WDR7: variants seen among roughly 807,000 people sequenced by gnomAD.
WDR7 encodes the protein WD repeat-containing protein 7.
WDR7 carries 46 observed loss-of-function variants against 169.4 expected under a neutral mutation model. The ratio of observed to expected loss-of-function variants is 0.27; its 90% CI spans 0.21 to 0.35. WDR7 has a LOEUF of 0.35. Among genes scored for constraint, WDR7 ranks in the 10% least tolerant of loss-of-function variants. The pLI is 1.00. For missense variants in WDR7, 1,534 were observed against 1,859.3 expected, an observed-to-expected ratio of 0.83 and a Z score of 3.22; for synonymous variants, 612 against 666.8, an observed-to-expected ratio of 0.92 and a Z score of 1.27.
intron 20 of WDR7, among the ~76,000 whole-genome samples, chr18:56,832,002 C>G (rs191753880): frequency 1.3e-5 from 2 of 152,258 alleles, no homozygotes; most frequent in East Asian, 3.9e-4. Context: ...CCGTTCACTC[C>G]CCTGGAAAGA....
chr18:56,673,531 AC>A (rs1332769829), intron 2 of WDR7, among the ~76,000 whole-genome samples: 6 of 152,176 alleles, frequency 3.9e-5, no homozygotes, highest in Non-Finnish European at 8.8e-5. Context: ...CAAACCCTGT[AC>A]CCTTTAAATG....
At chr18:56,682,360 T>C (rs1236990243) in intron 4 of WDR7, among the ~76,000 whole-genome samples, 2 of 152,228 alleles carry the variant, frequency 1.3e-5, no homozygotes, top group Non-Finnish European at 2.9e-5. Context: ...TTTATTAATT[T>C]ATTCAACAGT....
chr18:57,002,497 C>T (rs536592498), intron 26 of WDR7, among the ~76,000 whole-genome samples: 7 of 152,146 alleles, frequency 4.6e-5, no homozygotes, highest in African/African-American at 1.4e-4. Context: ...CTCTGAATTA[C>T]TGTTTATCGC....
chr18:56,999,853 G>A (rs1022408969), intron 26 of WDR7, among the ~76,000 whole-genome samples: 1 of 152,104 alleles, frequency 6.6e-6, no homozygotes, highest in Non-Finnish European at 1.5e-5. Flanking sequence ...CTAGAGAACG[G>A]ACCACCCAAG....
At chr18:56,771,552 T>A (rs2044157159) in intron 16 of WDR7, among the ~76,000 whole-genome samples, 1 of 145,072 alleles carries the variant, frequency 6.9e-6, no homozygotes, top group Admixed American at 6.9e-5. Context: ...CAAAACCCCA[T>A]CTCTACCCTC....
chr18:57,019,230 G>A (rs1204959091), intron 26 of WDR7, among the ~76,000 whole-genome samples: 3 of 152,104 alleles, frequency 2.0e-5, no homozygotes, highest in African/African-American at 4.8e-5. Flanking sequence ...GCAAGCAGGA[G>A]TAACAAAAAT....
intron 16 of WDR7, among the ~76,000 whole-genome samples, chr18:56,760,100 G>C (rs1310793956): frequency 6.6e-6 from 1 of 152,120 alleles, no homozygotes; most frequent in Non-Finnish European, 1.5e-5. Flanking sequence ...CTATATAAAA[G>C]TTTTATAATA....
At chr18:56,888,383 G>C (rs7233975) in intron 21 of WDR7, among the ~76,000 whole-genome samples, 99,982 of 152,140 alleles carry the variant, frequency 0.66, 34,641 homozygotes, top group East Asian at 0.83. Context: ...TATCCCTCTG[G>C]GTTGCAGAAT....
intron 16 of WDR7, among the ~76,000 whole-genome samples, chr18:56,763,150 A>G (rs550292701): frequency 3.2e-4 from 48 of 151,948 alleles, no homozygotes; most frequent in Middle Eastern, 3.4e-3. Flanking sequence ...TAGTAGAGAC[A>G]GGGTTTCACC....
At chr18:56,735,340 T>A (rs1336976050) in intron 14 of WDR7, among the ~76,000 whole-genome samples, 1 of 152,112 alleles carries the variant, frequency 6.6e-6, no homozygotes, top group Non-Finnish European at 1.5e-5. Context: ...TTAACAAGAA[T>A]GTACAGGCCA....
chr18:56,932,071 A>G (rs995047112), intron 22 of WDR7, among the ~76,000 whole-genome samples: 1 of 152,168 alleles, frequency 6.6e-6, no homozygotes. Flanking sequence ...TGAATTGAGT[A>G]GACTAGAGGA....
chr18:56,837,810 C>T (rs1255984898), intron 20 of WDR7, among the ~76,000 whole-genome samples: 1 of 151,572 alleles, frequency 6.6e-6, no homozygotes, highest in Non-Finnish European at 1.5e-5. Flanking sequence ...CAGGTGCCCA[C>T]CACCATGCCC....
intron 21 of WDR7, among the ~76,000 whole-genome samples, chr18:56,895,216 C>T (rs1181888031): frequency 6.6e-6 from 1 of 151,856 alleles, no homozygotes. Flanking sequence ...ATATGTCAAT[C>T]AGCAAGATAA....
intron 19 of WDR7, among the ~76,000 whole-genome samples, chr18:56,795,619 C>T (rs998350520): frequency 1.3e-5 from 2 of 152,166 alleles, no homozygotes; most frequent in East Asian, 1.9e-4. Flanking sequence ...ATACTGTCAG[C>T]ACTGCCATAC....
intron 14 of WDR7, among the ~76,000 whole-genome samples, chr18:56,738,002 C>T (rs1335218747): frequency 2.6e-5 from 4 of 152,012 alleles, no homozygotes; most frequent in Non-Finnish European, 5.9e-5. Flanking sequence ...TGTTTGTCCT[C>T]TGTGGTTATT....
intron 20 of WDR7, among the ~76,000 whole-genome samples, chr18:56,868,045 A>G (rs74560577): frequency 0.014 from 2,126 of 152,286 alleles, 29 homozygotes; most frequent in East Asian, 0.035. Context: ...TAGGTACCAC[A>G]AAGGTGTGGG....
At chr18:56,678,135 A>G (rs1261314347) in intron 2 of WDR7, among the ~76,000 whole-genome samples, 19 of 152,098 alleles carry the variant, frequency 1.2e-4, no homozygotes, top group Admixed American at 1.2e-3. Context: ...AGTCTCTTAA[A>G]TTTGTCTGAT....
chr18:56,941,034 G>T (rs2047029667), intron 25 of WDR7, among the ~76,000 whole-genome samples: 3 of 152,142 alleles, frequency 2.0e-5, no homozygotes, highest in Non-Finnish European at 4.4e-5. Flanking sequence ...TGGCGGAAAG[G>T]AGTTCTATTT....
At chr18:56,814,878 T>C (rs1424326482) in intron 19 of WDR7, among the ~76,000 whole-genome samples, 2 of 152,128 alleles carry the variant, frequency 1.3e-5, no homozygotes, top group African/African-American at 4.8e-5. Context: ...TTAGCATTAT[T>C]ATTATTATTA....
Sources: gnomAD v4.1 joint callset for allele counts (sites outside exome capture counted in the v4.1 genomes callset) on GRCh38, gnomAD v4.1.1 for gene constraint, MANE v1.5 for transcripts, NCBI Gene and HGNC (gene_info 2026-07-23, HGNC 2026-07-21) for gene names.